TMEM178B: variants seen among roughly 807,000 people sequenced by gnomAD.
The protein encoded by TMEM178B is transmembrane protein 178B.
TMEM178B carries 5 observed loss-of-function variants against 31.0 expected under a neutral mutation model. The observed-to-expected ratio is 0.16, with a 90% CI of 0.08 to 0.34. TMEM178B has a LOEUF of 0.34. Among genes scored for constraint, TMEM178B ranks in the 10% least tolerant of loss-of-function variants. The pLI is 1.00. For synonymous variants in TMEM178B, 164 were observed against 164.0 expected (o/e 1.00, Z 0.00); for missense variants, 275 against 400.3 (o/e 0.69, Z 2.67).
In TMEM178B at chr7:141,479,254, T is replaced by C. The variant is rs1802431854; in HGVS notation, c.*8468T>C. 1 of 152,258 alleles carries C rather than the reference T, an allele frequency of 6.6e-6. No individual in the cohort carries two copies. Among genetic ancestry groups the C allele is most frequent in the Non-Finnish European group, 1.5e-5 (1 of 68,066 alleles). The allele number at this position is 152,258 out of a possible 1,614,324, so 9.4% of individuals were successfully genotyped here. On this transcript the variant is annotated 3_prime_UTR_variant, in exon 4 of 4. Transcript: ENST00000565468. ...TACAACATTTCGTCACCTGGGCCAG[T>C]CACCTGCTAATATCATCTCACCAAT...
At chr7:141,275,666 C>T (rs539313081) in intron 2 of TMEM178B, among the ~76,000 whole-genome samples, 9 of 152,158 alleles carry the variant, frequency 5.9e-5, no homozygotes, top group Non-Finnish European at 1.2e-4. Context: ...ATGTAAATAG[C>T]TCAATCAAGG....
intron 3 of TMEM178B, among the ~76,000 whole-genome samples, chr7:141,441,522 A>T (rs1045358828): frequency 1.3e-5 from 2 of 152,200 alleles, no homozygotes; most frequent in Admixed American, 6.5e-5. Flanking sequence ...ATAACCGAGC[A>T]CCGACAGGAG....
chr7:141,274,124 T>G (rs1428348119), intron 2 of TMEM178B, among the ~76,000 whole-genome samples: 3 of 152,236 alleles, frequency 2.0e-5, no homozygotes, highest in Admixed American at 6.5e-5. Context: ...ATGCCACTCC[T>G]CTTCTGAAAG....
intron 2 of TMEM178B, among the ~76,000 whole-genome samples, chr7:141,400,853 G>A (rs559054239): frequency 6.6e-6 from 1 of 152,290 alleles, no homozygotes; most frequent in East Asian, 1.9e-4. Flanking sequence ...CAAGGACATG[G>A]TGTGTCACCA....
intron 2 of TMEM178B, among the ~76,000 whole-genome samples, chr7:141,364,394 C>T (rs1007386004): frequency 6.6e-6 from 1 of 152,176 alleles, no homozygotes; most frequent in Non-Finnish European, 1.5e-5. Flanking sequence ...GGCACGGTGG[C>T]TCACGCCTGT....
intron 1 of TMEM178B, among the ~76,000 whole-genome samples, chr7:141,106,097 A>AG (rs1554450021): frequency 9.2e-5 from 14 of 151,430 alleles, no homozygotes; most frequent in African/African-American, 2.7e-4. Flanking sequence ...AAAAAAAAAA[A>AG]AAAAGAAAAG....
chr7:141,410,241 G>T (rs981225142), intron 2 of TMEM178B, among the ~76,000 whole-genome samples: 3 of 152,188 alleles, frequency 2.0e-5, no homozygotes, highest in Non-Finnish European at 4.4e-5. Flanking sequence ...GAGCCTCTCA[G>T]CATCGCAGCT....
chr7:141,495,108 G>T, the TMEM178B span, among the ~76,000 whole-genome samples: 1 of 152,190 alleles, frequency 6.6e-6, no homozygotes, highest in Admixed American at 6.5e-5. Flanking sequence ...CTGATTTTGG[G>T]ATTTGCATCT....
At chr7:141,403,144 A>G (rs963972245) in intron 2 of TMEM178B, among the ~76,000 whole-genome samples, 6 of 152,178 alleles carry the variant, frequency 3.9e-5, no homozygotes, top group Admixed American at 3.9e-4. Context: ...ACACCGTGAC[A>G]AAGTTATCTC....
chr7:141,202,264 C>A (rs2129186459), intron 1 of TMEM178B, among the ~76,000 whole-genome samples: 1 of 150,060 alleles, frequency 6.7e-6, no homozygotes, highest in African/African-American at 2.4e-5. Context: ...AGAGCTTTTA[C>A]CATAGATAGA....
At chr7:141,427,071 A>T (rs1440084596) in intron 2 of TMEM178B, among the ~76,000 whole-genome samples, 6 of 152,212 alleles carry the variant, frequency 3.9e-5, no homozygotes, top group Non-Finnish European at 5.9e-5. Flanking sequence ...GAAGACACTA[A>T]TAACGGAAAG....
chr7:141,450,456 T>G (rs1377972845), intron 3 of TMEM178B, among the ~76,000 whole-genome samples: 1 of 152,226 alleles, frequency 6.6e-6, no homozygotes, highest in Non-Finnish European at 1.5e-5. Flanking sequence ...GCTGTTTTCT[T>G]TTTCAGGACT....
chr7:141,241,002 T>C (rs2129193384), intron 2 of TMEM178B, among the ~76,000 whole-genome samples: 1 of 152,122 alleles, frequency 6.6e-6, no homozygotes. Flanking sequence ...ATCCCTTTTT[T>C]TTTTTTTTTA....
At chr7:141,309,745 A>G (rs958661507) in intron 2 of TMEM178B, among the ~76,000 whole-genome samples, 2 of 152,320 alleles carry the variant, frequency 1.3e-5, no homozygotes, top group Admixed American at 1.3e-4. Flanking sequence ...ACTATAAATA[A>G]TGCTAACTGA....
intron 1 of TMEM178B, among the ~76,000 whole-genome samples, chr7:141,134,988 A>C (rs963978984): frequency 5.3e-5 from 8 of 152,304 alleles, no homozygotes; most frequent in East Asian, 1.9e-4. Context: ...AATGAGTCTC[A>C]TGAGATCTGA....
chr7:141,341,832 A>G (rs1454198926), intron 2 of TMEM178B, among the ~76,000 whole-genome samples: 1 of 152,086 alleles, frequency 6.6e-6, no homozygotes, highest in African/African-American at 2.4e-5. Flanking sequence ...GCCCTGTTCT[A>G]CCTTGACCTG....
At chr7:141,454,121 A>G (rs1366697971) in intron 3 of TMEM178B, among the ~76,000 whole-genome samples, 1 of 152,150 alleles carries the variant, frequency 6.6e-6, no homozygotes, top group African/African-American at 2.4e-5. Flanking sequence ...AATAATTAAT[A>G]TAATTACCCC....
intron 2 of TMEM178B, among the ~76,000 whole-genome samples, chr7:141,271,616 T>A (rs1798184565): frequency 6.6e-6 from 1 of 152,156 alleles, no homozygotes; most frequent in Non-Finnish European, 1.5e-5. Flanking sequence ...CTCTGGTCAT[T>A]AGTTGCTGTT....
At chr7:141,315,614 G>T (rs1586887406) in intron 2 of TMEM178B, among the ~76,000 whole-genome samples, 2 of 152,026 alleles carry the variant, frequency 1.3e-5, no homozygotes, top group Admixed American at 6.6e-5. Context: ...CATACTTTCT[G>T]GTATCTTTTG....
Sources: gnomAD v4.1 joint callset for allele counts (sites outside exome capture counted in the v4.1 genomes callset) on GRCh38, gnomAD v4.1.1 for gene constraint, MANE v1.5 for transcripts, NCBI Gene and HGNC (gene_info 2026-07-23, HGNC 2026-07-21) for gene names.